The following RPS6KA2 variants were observed in gnomAD, a reference collection of about 807,000 sequenced individuals.
The protein encoded by RPS6KA2 is ribosomal protein S6 kinase A2.
RPS6KA2 carries 42 observed loss-of-function variants against 91.8 expected under a neutral mutation model. The observed-to-expected ratio is 0.46, with a 90% CI of 0.36 to 0.59. The LOEUF (loss-of-function observed/expected upper bound fraction) is 0.59. RPS6KA2 is among the 20% of genes least tolerant of loss of function. The probability of loss-of-function intolerance (pLI) is 0.00; values close to 1 mark genes in which losing one functional copy is unlikely to be tolerated. For missense variants in RPS6KA2, 798 were observed against 978.5 expected (o/e 0.82, Z 2.46); for synonymous variants, 414 against 393.6 (o/e 1.05, Z -0.61).
intron 2 of RPS6KA2, among the ~76,000 whole-genome samples, chr6:166,739,806 G>T (rs1790761427): frequency 6.6e-6 from 1 of 152,174 alleles, no homozygotes; most frequent in Non-Finnish European, 1.5e-5. Context: ...ACGGGGCTTG[G>T]CTCCGTGCAG....
At chr6:166,629,390 G>T (rs1787005887), upstream of RPS6KA2, among the ~76,000 whole-genome samples, 1 of 152,234 alleles carries the variant, frequency 6.6e-6, no homozygotes, top group Non-Finnish European at 1.5e-5. Context: ...ACATTCATTA[G>T]TTCCCCAAAT....
intron 12 of RPS6KA2, among the ~76,000 whole-genome samples, chr6:166,452,826 G>A (rs1779959709): frequency 6.6e-6 from 1 of 152,174 alleles, no homozygotes; most frequent in Non-Finnish European, 1.5e-5. Context: ...CTTAAGTGAT[G>A]AAAGACCTGA....
At chr6:166,467,043 TTCAC>T (rs1302348102) in intron 11 of RPS6KA2, among the ~76,000 whole-genome samples, 1 of 142,568 alleles carries the variant, frequency 7.0e-6, no homozygotes, top group Admixed American at 6.9e-5. Flanking sequence ...TCCTCACTCA[TTCAC>T]TCACTCATTG....
At chr6:166,753,942 A>C (rs9366051) in intron 2 of RPS6KA2, among the ~76,000 whole-genome samples, 1 of 152,202 alleles carries the variant, frequency 6.6e-6, no homozygotes, top group South Asian at 2.1e-4. Flanking sequence ...TGAGGAACCC[A>C]AATTCTGGAA....
At chr6:166,794,590 G>A (rs1779175761) in intron 2 of RPS6KA2, among the ~76,000 whole-genome samples, 1 of 150,096 alleles carries the variant, frequency 6.7e-6, no homozygotes, top group Non-Finnish European at 1.5e-5. Context: ...CAATAGCAAA[G>A]ACTTGGAACC....
At chr6:166,589,302 T>G (rs181390649) in intron 1 of RPS6KA2, among the ~76,000 whole-genome samples, 1 of 152,214 alleles carries the variant, frequency 6.6e-6, no homozygotes, top group East Asian at 1.9e-4. Context: ...TGGGGTTCCT[T>G]TGCTCATTTT....
At chr6:166,579,451 G>A (rs2128514762) in intron 1 of RPS6KA2, among the ~76,000 whole-genome samples, 1 of 152,318 alleles carries the variant, frequency 6.6e-6, no homozygotes, top group Non-Finnish European at 1.5e-5. Flanking sequence ...AGAGGTTTCG[G>A]TGGTGGCAAT....
intron 2 of RPS6KA2, among the ~76,000 whole-genome samples, chr6:166,824,765 C>CTACG (rs1212480552): frequency 2.2e-3 from 92 of 41,864 alleles, no homozygotes; most frequent in African/African-American, 5.6e-3. Context: ...GTGTGTGTGT[C>CTACG]TGTGTGTCTA....
rs1787699851 is a variant in RPS6KA2, at chr6:166,648,020, AC to A, written c.124-109237del. ...TGCTCACACACGCACATGCTTACACACATACATACACACATGCTCTCACACA... is the reference window on the plus strand; with the variant it reads ...TGCTCACACACGCACATGCTTACACAATACATACACACATGCTCTCACACA... On this transcript the variant is annotated intron_variant, in intron 2 of 21. Coordinates refer to the RPS6KA2 transcript ENST00000503859. The surrounding 1 kb of genome is among the most constrained non-coding windows in gnomAD (Gnocchi z 4.8). Among the ~76,000 whole-genome samples the A allele has an allele frequency of 7.0e-6, 1 of 142,926 alleles. No homozygotes were observed. The highest frequency in any genetic ancestry group is 1.5e-5 in the Non-Finnish European group (1 of 66,786). 93.8% of individuals were successfully genotyped at this position (142,926 alleles called of 152,430 possible).
At chr6:166,573,672 T>C (rs992898271) in intron 1 of RPS6KA2, among the ~76,000 whole-genome samples, 2 of 152,200 alleles carry the variant, frequency 1.3e-5, no homozygotes, top group Non-Finnish European at 2.9e-5. Flanking sequence ...CTTACTCCCA[T>C]TGACTGCCAG....
At chr6:166,668,756 T>TA (rs1194023026) in intron 2 of RPS6KA2, among the ~76,000 whole-genome samples, 1 of 152,178 alleles carries the variant, frequency 6.6e-6, no homozygotes, top group Non-Finnish European at 1.5e-5. Flanking sequence ...CTGGTTCCAA[T>TA]AGCTTTTGCC....
At chr6:166,641,744 A>AAAAAAAAAAAAAAAAAAAAAT in intron 2 of RPS6KA2, among the ~76,000 whole-genome samples, 1 of 131,826 alleles carries the variant, frequency 7.6e-6, no homozygotes, top group Non-Finnish European at 1.5e-5. Flanking sequence ...AAAAAAAAAA[A>AAAAAAAAAAAAAAAAAAAAAT]AAAAAAAAAA....
intron 10 of RPS6KA2, among the ~76,000 whole-genome samples, chr6:166,471,474 C>G (rs1416635945): frequency 6.6e-6 from 1 of 152,232 alleles, no homozygotes; most frequent in African/African-American, 2.4e-5. Flanking sequence ...TAGGAACGAA[C>G]CCACATACTA....
At chr6:166,727,323 C>T (rs55788050) in intron 2 of RPS6KA2, among the ~76,000 whole-genome samples, 3 of 144,172 alleles carry the variant, frequency 2.1e-5, no homozygotes, top group African/African-American at 8.3e-5. Context: ...CAAACAAACA[C>T]ACACACACAC....
chr6:166,419,215 CTCCAT>C lies in RPS6KA2; in HGVS notation c.1820+662_1820+666del, dbSNP rs1778641248. Among the ~76,000 whole-genome samples the C allele has an allele frequency of 6.6e-6, 1 of 152,206 alleles. No homozygotes were observed. The highest frequency in any genetic ancestry group is 1.5e-5 in the Non-Finnish European group (1 of 68,042). On this transcript the variant is annotated intron_variant, in intron 18 of 20. Coordinates refer to ENST00000265678, the MANE Select transcript of RPS6KA2 (RefSeq NM_021135.6). This position sits in a 1 kb window ranked among gnomAD's most constrained non-coding sequence, Gnocchi z 5.6. ...TGGTCTAGGGTTCTTTTCTTTTTGC[CTCCAT>C]TCAAGTATTTAATAAACGTAATAGG...
chr6:166,438,420 A>T (rs967606358), intron 14 of RPS6KA2, among the ~76,000 whole-genome samples: 8 of 152,272 alleles, frequency 5.3e-5, no homozygotes, highest in African/African-American at 1.9e-4. Flanking sequence ...ACGCCGCGTC[A>T]CTACAGTTAA....
In RPS6KA2 at chr6:166,563,197, T is replaced by A. The variant is rs898047970; in HGVS notation, c.100-24413A>T. On this transcript the variant is annotated intron_variant, in intron 1 of 20. Transcript: ENST00000265678. The surrounding 1 kb of genome is among the most constrained non-coding windows in gnomAD (Gnocchi z 4.1). Reference sequence around the variant, plus strand: ...AGGGGTCCTGGTGGCTTTTCCGGGGTAGTGGAGACACCGCCACGTCTGTGT... The same window carrying A: ...AGGGGTCCTGGTGGCTTTTCCGGGGAAGTGGAGACACCGCCACGTCTGTGT... Among the ~76,000 whole-genome samples the A allele has an allele frequency of 1.3e-5, 2 of 151,628 alleles. No homozygotes were observed. The highest frequency in any genetic ancestry group is 4.9e-5 in the African/African-American group (2 of 41,200).
At chr6:166,463,820 G>A (rs1386753854) in intron 11 of RPS6KA2, among the ~76,000 whole-genome samples, 2 of 152,192 alleles carry the variant, frequency 1.3e-5, no homozygotes, top group African/African-American at 2.4e-5. Flanking sequence ...AGACAGGATC[G>A]AAAGCGCCGC....
At chr6:166,711,942 A>G (rs1041583960) in intron 2 of RPS6KA2, among the ~76,000 whole-genome samples, 2 of 152,246 alleles carry the variant, frequency 1.3e-5, no homozygotes, top group Admixed American at 6.5e-5. Context: ...GAGAGGAGAT[A>G]CAAGTTCATA....
Sources: allele counts gnomAD v4.1 joint callset (sites outside exome capture counted in the v4.1 genomes callset), GRCh38; gene constraint gnomAD v4.1.1; non-coding constraint Gnocchi (gnomAD v3.1); transcripts MANE v1.5; gene names NCBI Gene and HGNC (gene_info 2026-07-23, HGNC 2026-07-21).